Variants in UTS2 observed in about 807,000 individuals in gnomAD.
UTS2 encodes urotensin-2.
UTS2 carries 10 observed loss-of-function variants against 12.6 expected under a neutral mutation model. That is an observed-to-expected ratio of 0.80 (90% confidence interval 0.49 to 1.35). The LOEUF (loss-of-function observed/expected upper bound fraction) is 1.35. Ranked by LOEUF, UTS2 falls within the 40% of genes most tolerant of loss-of-function variation. The probability of loss-of-function intolerance (pLI) is 0.00; values close to 1 mark genes in which losing one functional copy is unlikely to be tolerated. For synonymous variants in UTS2, 52 were observed against 50.0 expected, an observed-to-expected ratio of 1.04 and a Z score of -0.17; for missense variants, 142 against 143.2, an observed-to-expected ratio of 0.99 and a Z score of 0.04.
At chr1:7,901,418 G>A in the UTS2 span, among the ~76,000 whole-genome samples, 1 of 152,170 alleles carries the variant, frequency 6.6e-6, no homozygotes, top group Non-Finnish European at 1.5e-5. Context: ...AGAGGAGGTG[G>A]AAGGAGCTGC....
At chr1:7,881,034 C>T in the UTS2 span, among the ~76,000 whole-genome samples, 1 of 151,988 alleles carries the variant, frequency 6.6e-6, no homozygotes, top group Non-Finnish European at 1.5e-5. Flanking sequence ...CAATGAAGGA[C>T]AAAAAATCAT....
upstream of UTS2, chr1:7,853,657 A>G (rs1179280604): frequency 8.1e-6 from 4 of 493,248 alleles, no homozygotes; most frequent in African/African-American, 2.0e-5. Flanking sequence ...GAAAGGAAAT[A>G]ACTTCATAAA....
the UTS2 span, among the ~76,000 whole-genome samples, chr1:7,904,766 G>A: frequency 3.3e-5 from 5 of 151,818 alleles, no homozygotes; most frequent in East Asian, 1.9e-4. Flanking sequence ...TTAGCCGGGC[G>A]TGGTGGTGGC....
chr1:7,863,067 TG>T, the UTS2 span, among the ~76,000 whole-genome samples: 3 of 97,350 alleles, frequency 3.1e-5, no homozygotes, highest in Admixed American at 2.1e-4. Context: ...TGTATTGTAT[TG>T]TATTGTATTG....
chr1:7,909,055 T>G, the UTS2 span, among the ~76,000 whole-genome samples: 2 of 152,036 alleles, frequency 1.3e-5, no homozygotes, highest in Non-Finnish European at 2.9e-5. Flanking sequence ...CCTCCGAAAG[T>G]GCTGGGATTA....
chr1:7,849,624 A>T lies in UTS2; in HGVS notation c.258+16T>A. 1.2e-6 allele frequency: 2 copies of T among 1,602,554 alleles called. No homozygotes were observed. The highest frequency in any genetic ancestry group is 1.7e-4 in the Middle Eastern group (1 of 6,032). On this transcript the variant is annotated intron_variant, in intron 3 of 3. Transcript: ENST00000361696. ...GTTCACCTTTTTAAACCTAACTCAT[A>T]AATAGAGTCACTTACCTTTCTCAAA...
chr1:7,906,511 AGAGG>A, the UTS2 span, among the ~76,000 whole-genome samples: 1 of 47,802 alleles, frequency 2.1e-5, no homozygotes, highest in East Asian at 8.7e-4. Flanking sequence ...AAGAAAGAAA[AGAGG>A]GAGGGAGGGA....
At chr1:7,851,148 G>A (rs907350523) in intron 1 of UTS2, among the ~76,000 whole-genome samples, 4 of 152,190 alleles carry the variant, frequency 2.6e-5, no homozygotes, top group Non-Finnish European at 2.9e-5. Context: ...TCTGACACCC[G>A]CGTGATGAGC....
chr1:7,894,498 G>C, the UTS2 span, among the ~76,000 whole-genome samples: 1 of 152,010 alleles, frequency 6.6e-6, no homozygotes, highest in East Asian at 1.9e-4. Context: ...TTAGCACAAG[G>C]GCTGTGGTGA....
chr1:7,857,799 G>A (rs78476985), upstream of UTS2, among the ~76,000 whole-genome samples: 27 of 148,508 alleles, frequency 1.8e-4, no homozygotes, highest in Middle Eastern at 3.5e-3. Flanking sequence ...GCAGTGAGCC[G>A]TGATCATGCC....
upstream of UTS2, among the ~76,000 whole-genome samples, chr1:7,857,487 AAG>A (rs751815181): frequency 6.7e-6 from 1 of 149,516 alleles, no homozygotes; most frequent in African/African-American, 2.4e-5. Context: ...AAAAAAAAAA[AAG>A]ATGAGCTTGT....
the UTS2 span, among the ~76,000 whole-genome samples, chr1:7,904,177 G>T: frequency 1.3e-5 from 2 of 152,014 alleles, no homozygotes. Flanking sequence ...TTTAAGGAAT[G>T]TGTCTAATGA....
intron 3 of UTS2, among the ~76,000 whole-genome samples, chr1:7,848,762 C>T (rs938355175): frequency 7.2e-5 from 11 of 152,220 alleles, no homozygotes; most frequent in African/African-American, 1.9e-4. Context: ...TCAAGCAATC[C>T]GCCTACCTCG....
chr1:7,849,367 C>T (rs13306063), intron 3 of UTS2, among the ~76,000 whole-genome samples: 25 of 152,104 alleles, frequency 1.6e-4, no homozygotes, highest in Middle Eastern at 3.4e-3. Flanking sequence ...GGTGCCACCA[C>T]GCCCAGCTAA....
intron 2 of UTS2, 87 bp downstream of exon 2, chr1:7,850,725 T>G (rs2097413051): frequency 7.4e-7 from 1 of 1,342,954 alleles, no homozygotes; most frequent in African/African-American, 1.4e-5. Flanking sequence ...TATTCCAAAA[T>G]AGAGCTTTAC....
the UTS2 span, among the ~76,000 whole-genome samples, chr1:7,911,702 G>T: frequency 8.3e-4 from 127 of 152,228 alleles, no homozygotes; most frequent in African/African-American, 2.9e-3. Flanking sequence ...AGGAGTTCGA[G>T]ACCAGCCTGG....
At chr1:7,869,159 A>C in the UTS2 span, among the ~76,000 whole-genome samples, 1 of 152,224 alleles carries the variant, frequency 6.6e-6, no homozygotes, top group Admixed American at 6.5e-5. Context: ...GAGGCTGCCC[A>C]AGGTGGAGAG....
chr1:7,880,714 A>T, the UTS2 span, among the ~76,000 whole-genome samples: 1 of 152,226 alleles, frequency 6.6e-6, no homozygotes, highest in East Asian at 1.9e-4. Context: ...TTTACTGCTG[A>T]ATTCTACCAA....
At chr1:7,860,659 G>A in the UTS2 span, among the ~76,000 whole-genome samples, 2 of 52 alleles carry the variant, frequency 0.038, no homozygotes, top group Non-Finnish European at 0.071. Context: ...AGCCTCAAAT[G>A]CCTGGCTCAA....
Sources: gnomAD v4.1 joint callset for allele counts (sites outside exome capture counted in the v4.1 genomes callset) on GRCh38, gnomAD v4.1.1 for gene constraint, MANE v1.5 for transcripts, NCBI Gene and HGNC (gene_info 2026-07-23, HGNC 2026-07-21) for gene names.